Variants in SPHKAP observed in about 807,000 individuals in gnomAD.
SPHKAP encodes A-kinase anchor protein SPHKAP.
A neutral mutation model predicts 137.5 loss-of-function variants in SPHKAP; 67 were observed. The observed-to-expected ratio is 0.49, with a 90% confidence interval of 0.40 to 0.60. The LOEUF is 0.60. Ranked by LOEUF, SPHKAP falls within the 20% of genes least tolerant of loss-of-function variation. The probability of loss-of-function intolerance (pLI) is 0.00; values close to 1 mark genes in which losing one functional copy is unlikely to be tolerated. For synonymous variants in SPHKAP, 813 were observed against 785.3 expected, an observed-to-expected ratio of 1.04 and a Z score of -0.59; for missense variants, 2,097 against 2,069.3, an observed-to-expected ratio of 1.01 and a Z score of -0.26.
At chr2:228,163,152 C>T (rs751585512) in intron 1 of SPHKAP, among the ~76,000 whole-genome samples, 5 of 152,124 alleles carry the variant, frequency 3.3e-5, no homozygotes, top group South Asian at 4.1e-4. Flanking sequence ...AATTGCATGT[C>T]GGTGAGCAAC....
intron 3 of SPHKAP, among the ~76,000 whole-genome samples, chr2:228,083,991 T>G (rs1247143804): frequency 1.3e-5 from 2 of 151,804 alleles, no homozygotes; most frequent in African/African-American, 4.8e-5. Context: ...ATGCGGGTTT[T>G]AAACCCAGAT....
intron 5 of SPHKAP, among the ~76,000 whole-genome samples, chr2:228,024,097 A>C (rs1190704318): frequency 1.3e-5 from 2 of 152,214 alleles, no homozygotes; most frequent in African/African-American, 4.8e-5. Context: ...TTAAGTCTCT[A>C]ATCTACTCCT....
intron 2 of SPHKAP, among the ~76,000 whole-genome samples, chr2:228,123,216 T>C (rs887219110): frequency 4.6e-5 from 7 of 152,198 alleles, no homozygotes; most frequent in African/African-American, 1.7e-4. Flanking sequence ...GTAGGATAAT[T>C]CTCTATTTTT....
chr2:228,030,554 A>AAAAAAAAAAAAAAAAAAAAAAAAAAAAG (rs144401199), intron 3 of SPHKAP, among the ~76,000 whole-genome samples: 2 of 140,176 alleles, frequency 1.4e-5, no homozygotes, highest in African/African-American at 2.7e-5. Flanking sequence ...AAAAAAAAAA[A>AAAAAAAAAAAAAAAAAAAAAAAAAAAAG]AATAAAAAAA....
In SPHKAP at chr2:227,999,103, G is replaced by A. The variant is rs1033298220; in HGVS notation, c.4449-3409C>T. On this transcript the variant is annotated intron_variant, in intron 7 of 11. Coordinates refer to ENST00000392056, the MANE Select transcript of SPHKAP (RefSeq NM_001142644.2). ...GAGTTTCAAATGCATAACTTTTTGA[G>A]TGTGATTAAAAATCTCCTTTTTGAT... is the stretch of plus-strand genomic sequence containing the variant. Among the ~76,000 whole-genome samples, 4 of 152,278 alleles carry A rather than the reference G, an allele frequency of 2.6e-5. No homozygotes were observed. In the East Asian group the frequency reaches 7.7e-4, roughly 29 times the overall value.
intron 7 of SPHKAP, among the ~76,000 whole-genome samples, chr2:228,016,157 G>T (rs562321082): frequency 2.6e-5 from 4 of 151,740 alleles, no homozygotes; most frequent in African/African-American, 7.3e-5. Flanking sequence ...TATTAACCTA[G>T]GAGATCATTT....
At chr2:228,078,907 C>A (rs573498745) in intron 3 of SPHKAP, among the ~76,000 whole-genome samples, 32 of 152,068 alleles carry the variant, frequency 2.1e-4, no homozygotes, top group Admixed American at 5.2e-4. Flanking sequence ...CCAGTACCCA[C>A]GAACGGAGCC....
At chr2:228,051,809 G>A (rs769902609) in intron 3 of SPHKAP, among the ~76,000 whole-genome samples, 26 of 152,316 alleles carry the variant, frequency 1.7e-4, no homozygotes, top group Non-Finnish European at 3.2e-4. Flanking sequence ...CCTGTCTGGC[G>A]AGGGCCTGGT....
In SPHKAP at chr2:227,991,129, C is replaced by A. The variant is rs1158785258; in HGVS notation, c.4830G>T (p.Val1610=). ...ACTCTGGCTCCAGGTCAAAGTTGAT[C>A]ACCAGCAGGCTCCTCTGGGGGCTGG... ...GTASPQRSLL[V]INFDLEPECP... Residue 1610 remains valine (V), a synonymous_variant, in exon 11 of 12, where the codon GTG becomes GTT. Transcript: ENST00000392056. 1 of 1,614,000 alleles carries A rather than the reference C, an allele frequency of 6.2e-7. No homozygotes were observed. Among genetic ancestry groups the A allele is most frequent in the Non-Finnish European group, 8.5e-7 (1 of 1,180,030 alleles).
At chr2:228,151,711 G>T (rs1699938423) in intron 1 of SPHKAP, among the ~76,000 whole-genome samples, 1 of 152,048 alleles carries the variant, frequency 6.6e-6, no homozygotes, top group African/African-American at 2.4e-5. Context: ...TCATTCTGTT[G>T]CAAGGCTGGT....
In SPHKAP at chr2:228,018,722, T is replaced by C; in HGVS notation, c.2132A>G (p.Gln711Arg). The change falls in exon 7 of 12, where the codon CAA becomes CGA. Residue 711 changes from glutamine to arginine, a missense_variant. Coordinates refer to ENST00000392056, the MANE Select transcript of SPHKAP (RefSeq NM_001142644.2). ...ILDTLMESTN[Q>R]LLLDVICFTF... ...GAAGCATATCACATCTAAAAGCAGT[T>C]GATTTGTACTTTCCATTAAGGTGTC... 6.2e-7 allele frequency: 1 copy of C among 1,614,218 alleles called. No homozygotes were observed. Among genetic ancestry groups the C allele is most frequent in the East Asian group, 2.2e-5 (1 of 44,884 alleles).
At position 228,017,747 on chromosome 2, in the gene SPHKAP, T is replaced by G; in HGVS notation, c.3107A>C (p.Asn1036Thr). 1.2e-6 allele frequency: 2 copies of G among 1,614,132 alleles called. No homozygotes were observed. The highest frequency in any genetic ancestry group is 1.7e-6 in the Non-Finnish European group (2 of 1,180,038). ...MNLEDVPDSVNLFANEVAAKI... is the reference protein window; with the variant it reads ...MNLEDVPDSVTLFANEVAAKI... ...GGCTGCCACTTCATTGGCAAAAAGA[T>G]TGACAGAATCTGGGACATCTTCAAG... Residue 1036 changes from asparagine (N) to threonine (T), a missense_variant, in exon 7 of 12, where the codon AAT becomes ACT. Asn to Thr is a moderately conservative substitution (Grantham distance 65, BLOSUM62 0). Coordinates refer to ENST00000392056, the MANE Select transcript of SPHKAP (RefSeq NM_001142644.2).
rs566074716 is a variant in SPHKAP at position 228,180,992 on chromosome 2, G to C, written c.32+575C>G. On this transcript the variant is annotated intron_variant, in intron 1 of 11. Transcript: ENST00000392056. ...AACTCGCAGACTGGCAGGGGGTGTG[G>C]GGACGGTGGAGGACTGTGGGACTGC... 3.4e-4 allele frequency among the ~76,000 whole-genome samples: 51 copies of C among 152,144 alleles called. No homozygotes were observed. In the South Asian group the frequency reaches 9.8e-3, roughly 29 times the overall value.
intron 1 of SPHKAP, among the ~76,000 whole-genome samples, chr2:228,173,862 C>G (rs1574919736): frequency 6.6e-6 from 1 of 152,214 alleles, no homozygotes; most frequent in African/African-American, 2.4e-5. Context: ...ACCATGGCTA[C>G]TCTAACAAGT....
chr2:228,100,611 T>C (rs1161724440), intron 3 of SPHKAP, among the ~76,000 whole-genome samples: 1 of 136,002 alleles, frequency 7.4e-6, no homozygotes, highest in Non-Finnish European at 1.6e-5. Context: ...AGTATGGTTT[T>C]CTTTTTAATT....
At chr2:228,166,358 G>C (rs1423312472) in intron 1 of SPHKAP, among the ~76,000 whole-genome samples, 1 of 152,090 alleles carries the variant, frequency 6.6e-6, no homozygotes, top group Admixed American at 6.5e-5. Context: ...TATTAACCTT[G>C]TTCAACATTT....
chr2:228,026,620 C>T (rs1347008342), intron 4 of SPHKAP, among the ~76,000 whole-genome samples: 1 of 56,254 alleles, frequency 1.8e-5, no homozygotes, highest in Non-Finnish European at 3.1e-5. Flanking sequence ...TTTGGCCCTC[C>T]CTGCTCTTTG....
At chr2:227,992,103 A>G (rs973019380) in intron 9 of SPHKAP, among the ~76,000 whole-genome samples, 1 of 152,132 alleles carries the variant, frequency 6.6e-6, no homozygotes, top group African/African-American at 2.4e-5. Context: ...CAGCAGCTGA[A>G]AGGAAGTGGC....
At chr2:228,073,252 T>C (rs73096680) in intron 3 of SPHKAP, among the ~76,000 whole-genome samples, 2,863 of 152,318 alleles carry the variant, frequency 0.019, 89 homozygotes, top group African/African-American at 0.063. Flanking sequence ...GAATGCCACA[T>C]ATGAATTACA....
Sources: gnomAD v4.1 joint callset for allele counts (sites outside exome capture counted in the v4.1 genomes callset) on GRCh38, gnomAD v4.1.1 for gene constraint, MANE v1.5 for transcripts, NCBI Gene and HGNC (gene_info 2026-07-23, HGNC 2026-07-21) for gene names.